The following SMG7 variants were observed in gnomAD, a reference collection of about 807,000 sequenced individuals.
SMG7 encodes the protein SMG7 nonsense mediated mRNA decay factor.
SMG7 carries 34 observed loss-of-function variants against 148.2 expected under a neutral mutation model. The observed-to-expected ratio is 0.23, with a 90% CI of 0.17 to 0.31. The LOEUF (loss-of-function observed/expected upper bound fraction) is 0.31, where lower values mean the gene tolerates loss of function less well. Ranked by LOEUF, SMG7 falls within the 10% of genes least tolerant of loss-of-function variation. The pLI is 1.00. For missense variants in SMG7, 1,114 were observed against 1,408.4 expected (o/e 0.79, Z 3.35); for synonymous variants, 492 against 515.1 (o/e 0.96, Z 0.61).
At position 183,528,958 on chromosome 1, in the gene SMG7, A is replaced by G. The variant is rs768934009; in HGVS notation, c.623A>G (p.Tyr208Cys). The G allele has an allele frequency of 1.9e-6, 3 of 1,613,370 alleles. No homozygotes were observed. Among genetic ancestry groups the G allele is most frequent in the Non-Finnish European group, 2.5e-6 (3 of 1,179,420 alleles). ...GGAGACCATCTGACCACAATTTTCT[A>G]CTACTGCAGAAGCATTGCTGTGAAG... ...SKGDHLTTIF[Y>C]YCRSIAVKFP... Residue 208 changes from tyrosine to cysteine, a missense_variant, in exon 7 of 23, where the codon TAC becomes TGC. This residue lies in a region of SMG7 where 216 missense variants were observed against 329.1 expected (regional missense o/e 0.66). Coordinates refer to ENST00000688051, the MANE Select transcript of SMG7 (RefSeq NM_001375584.1).
At chr1:183,476,946 G>T (rs1465479097) in intron 1 of SMG7, among the ~76,000 whole-genome samples, 1 of 152,080 alleles carries the variant, frequency 6.6e-6, no homozygotes, top group Non-Finnish European at 1.5e-5. Flanking sequence ...TCATTTGATG[G>T]GGGTAGGAGA....
At chr1:183,537,431 G>T (rs1042342830) in intron 11 of SMG7, among the ~76,000 whole-genome samples, 1 of 152,184 alleles carries the variant, frequency 6.6e-6, no homozygotes, top group African/African-American at 2.4e-5. Context: ...ATTCAAATAG[G>T]AGTTCAGAGA....
Position 183,524,106 on chromosome 1 carries a change from C to T in SMG7, c.313-2490C>T, listed in dbSNP as rs1056438215. On this transcript the variant is annotated intron_variant, in intron 4 of 22. Transcript: ENST00000688051. ...TATTTTATTTATTCATTTTTTAAGA[C>T]GGGGTCTCTCTCTGTCACCCAGGCT... 5.9e-5 allele frequency among the ~76,000 whole-genome samples: 9 copies of T among 151,488 alleles called. No individual in the cohort carries two copies. The South Asian group carries it at 6.3e-4, about 11-fold the overall frequency.
At chr1:183,521,598 G>A (rs1664775677) in intron 4 of SMG7, among the ~76,000 whole-genome samples, 2 of 152,134 alleles carry the variant, frequency 1.3e-5, no homozygotes. Context: ...TGTAGTTGCA[G>A]GCCAGGCATG....
chr1:183,541,583 C>T (rs1668872778), intron 13 of SMG7, among the ~76,000 whole-genome samples: 1 of 152,196 alleles, frequency 6.6e-6, no homozygotes, highest in South Asian at 2.1e-4. Context: ...TCGAGTTCCG[C>T]AGCTTCTCAA....
intron 6 of SMG7, 79 bp downstream of exon 6, chr1:183,528,106 C>T (rs1666210356): frequency 9.7e-7 from 1 of 1,026,832 alleles, no homozygotes; most frequent in Admixed American, 2.5e-5. Context: ...CAGGGCTCAC[C>T]TTTGAAGTTT....
chr1:183,545,826 AAAAGGT>A, intron 16 of SMG7, 134 bp from the exon 17 acceptor site: 1 of 936,840 alleles, frequency 1.1e-6, no homozygotes, highest in East Asian at 2.6e-5. Context: ...TGAATAGCCC[AAAAGGT>A]AAAGGAAACT....
chr1:183,544,091 T>C (rs1669460956), intron 14 of SMG7, among the ~76,000 whole-genome samples: 1 of 152,218 alleles, frequency 6.6e-6, no homozygotes, highest in South Asian at 2.1e-4. Flanking sequence ...ACAAATGGGC[T>C]CTAAGGTCCT....
At chr1:183,485,870 A>G (rs1052676530) in intron 1 of SMG7, among the ~76,000 whole-genome samples, 4 of 152,238 alleles carry the variant, frequency 2.6e-5, no homozygotes, top group Non-Finnish European at 5.9e-5. Flanking sequence ...TACTAAAGCT[A>G]TACTTTATAT....
intron 16 of SMG7, 103 bp from the exon 17 acceptor site, chr1:183,545,863 G>C (rs1327768178): frequency 1.8e-5 from 25 of 1,373,306 alleles, no homozygotes; most frequent in Non-Finnish European, 2.4e-5. Flanking sequence ...CTAGAGTTTT[G>C]TTGGTTGGAA....
At chr1:183,544,660 G>T (rs1241176870) in intron 15 of SMG7, among the ~76,000 whole-genome samples, 163 bp downstream of exon 15, 10 of 152,082 alleles carry the variant, frequency 6.6e-5, no homozygotes, top group Non-Finnish European at 1.2e-4. Flanking sequence ...TGTGTGTAGT[G>T]TACATACAAG....
chr1:183,484,241 A>G (rs1032824891), intron 1 of SMG7, among the ~76,000 whole-genome samples: 2 of 152,034 alleles, frequency 1.3e-5, no homozygotes, highest in African/African-American at 2.4e-5. Context: ...ACCTGCATAC[A>G]TTGTCTACTC....
chr1:183,494,659 A>G (rs1657975884), intron 1 of SMG7, among the ~76,000 whole-genome samples: 1 of 150,680 alleles, frequency 6.6e-6, no homozygotes, highest in African/African-American at 2.4e-5. Flanking sequence ...TGGGTATAAA[A>G]TTATAGATTG....
rs1421535024 is a variant in SMG7 at position 183,528,983 on chromosome 1, G to A, written c.648G>A (p.Lys216=). The change falls in exon 7 of 23, where the codon AAG becomes AAA. Residue 216 remains lysine, a synonymous_variant. Coordinates refer to ENST00000688051, the MANE Select transcript of SMG7 (RefSeq NM_001375584.1). The part of the protein sequence containing the change: ...IFYYCRSIAV[K]FPFPAASTNL... ...ACTACTGCAGAAGCATTGCTGTGAA[G>A]TTCCCTTTCCCAGCTGCCTCCACTA... is the stretch of plus-strand genomic sequence containing the variant. 3 of 1,613,570 alleles carry A rather than the reference G, an allele frequency of 1.9e-6. No homozygotes were observed. The highest frequency in any genetic ancestry group is 1.7e-6 in the Non-Finnish European group (2 of 1,179,642).
At chr1:183,486,644 C>T (rs1422751686) in intron 1 of SMG7, among the ~76,000 whole-genome samples, 7 of 151,794 alleles carry the variant, frequency 4.6e-5, no homozygotes, top group Non-Finnish European at 1.0e-4. Flanking sequence ...CTCCTGACCT[C>T]GTGATCCACC....
Position 183,523,253 on chromosome 1 carries a change from C to T in SMG7, c.313-3343C>T, listed in dbSNP as rs1022345815. Among the ~76,000 whole-genome samples the T allele has an allele frequency of 4.6e-5, 7 of 152,198 alleles. No homozygotes were observed. The South Asian group carries it at 6.2e-4, about 14-fold the overall frequency. On this transcript the variant is annotated intron_variant, in intron 4 of 22. Transcript: ENST00000688051. Reference sequence around the variant, plus strand: ...GGCATGGAATAAAGAGCTGAGGAGACAAGAGATAGTGTAAAAATTGATAAA... The same window carrying T: ...GGCATGGAATAAAGAGCTGAGGAGATAAGAGATAGTGTAAAAATTGATAAA...
chr1:183,537,045 A>G, intron 10 of SMG7, 100 bp from the exon 11 acceptor site: 1 of 764,702 alleles, frequency 1.3e-6, no homozygotes, highest in Non-Finnish European at 2.2e-6. Context: ...AGGGAAAAAT[A>G]CATAAAGTCC....
At chr1:183,550,465 CAT>C (rs1670807366) in intron 20 of SMG7, among the ~76,000 whole-genome samples, 1 of 152,204 alleles carries the variant, frequency 6.6e-6, no homozygotes, top group South Asian at 2.1e-4. Context: ...GACCAATAAA[CAT>C]GTATCTGAAA....
intron 1 of SMG7, among the ~76,000 whole-genome samples, chr1:183,484,423 G>A (rs1654937408): frequency 6.7e-6 from 1 of 150,036 alleles, no homozygotes; most frequent in East Asian, 2.0e-4. Context: ...CACCGATAGA[G>A]GGCCAGCTCA....
Sources: allele counts gnomAD v4.1 joint callset (sites outside exome capture counted in the v4.1 genomes callset), GRCh38; gene constraint gnomAD v4.1.1; regional missense constraint gnomAD v4.1.1; transcripts MANE v1.5; gene names NCBI Gene and HGNC (gene_info 2026-07-23, HGNC 2026-07-21).